Variants in SETX observed in about 807,000 individuals in gnomAD.
The protein encoded by SETX is helicase senataxin.
In SETX, 90 loss-of-function variants were observed where a neutral mutation model predicts 227.2. The observed-to-expected ratio is 0.40, with a 90% confidence interval of 0.33 to 0.47. SETX has a LOEUF of 0.47. SETX is among the 20% of genes least tolerant of loss of function. The pLI is 0.91. For missense variants in SETX, 3,052 were observed against 3,181.5 expected (o/e 0.96, Z 0.98); for synonymous variants, 1,210 against 1,113.2 (o/e 1.09, Z -1.73).
intron 22 of SETX, among the ~76,000 whole-genome samples, chr9:132,276,354 G>A (rs1843160814): frequency 6.6e-6 from 1 of 152,148 alleles, no homozygotes; most frequent in Non-Finnish European, 1.5e-5. Context: ...CTCTGTATGT[G>A]TAACCTCTTC....
intron 7 of SETX, among the ~76,000 whole-genome samples, chr9:132,331,774 A>C (rs1367022670): frequency 2.0e-5 from 3 of 152,174 alleles, no homozygotes; most frequent in African/African-American, 4.8e-5. Context: ...TACCAGAAAC[A>C]ACCTTTTCTA....
intron 18 of SETX, among the ~76,000 whole-genome samples, chr9:132,285,004 G>C (rs1019536317): frequency 6.6e-6 from 1 of 151,698 alleles, no homozygotes; most frequent in Non-Finnish European, 1.5e-5. Context: ...TCAGGCTCCC[G>C]AGTAGGTGGG....
At position 132,353,695 on chromosome 9, in the gene SETX, T is replaced by C. The variant is rs554093303; in HGVS notation, c.-54A>G. 1.3e-5 allele frequency: 2 copies of C among 152,328 alleles called. No individual in the cohort carries two copies. The highest frequency in any genetic ancestry group is 4.8e-5 in the African/African-American group (2 of 41,558). The allele number at this position is 152,328 out of a possible 1,614,324, so 9.4% of individuals were successfully genotyped here. A position where few individuals can be genotyped will look rare whatever the true frequency, so the allele number is the denominator to read the frequency against. ...AAGTGATCGTCTCAGCTGGGCTTAGTTGTGAACAAACACGGATTTGCATTC... is the reference window on the plus strand; with the variant it reads ...AAGTGATCGTCTCAGCTGGGCTTAGCTGTGAACAAACACGGATTTGCATTC... On this transcript the variant is annotated 5_prime_UTR_variant, in exon 2 of 26. Transcript: ENST00000224140.
intron 3 of SETX, among the ~76,000 whole-genome samples, chr9:132,348,746 T>C (rs1752557019): frequency 6.6e-6 from 1 of 150,984 alleles, no homozygotes; most frequent in Non-Finnish European, 1.5e-5. Context: ...GGCAAAATAA[T>C]AAGACCTCGT....
intron 11 of SETX, among the ~76,000 whole-genome samples, chr9:132,305,011 A>G (rs1845241168): frequency 2.6e-5 from 4 of 151,720 alleles, no homozygotes; most frequent in Admixed American, 2.0e-4. Flanking sequence ...AAAGAAAAAA[A>G]AGAATACTGA....
intron 5 of SETX, among the ~76,000 whole-genome samples, chr9:132,340,341 A>G (rs1364256024): frequency 6.6e-6 from 1 of 152,186 alleles, no homozygotes; most frequent in African/African-American, 2.4e-5. Flanking sequence ...ATAATTTTAA[A>G]TTTACTGGAC....
chr9:132,307,637 T>C (rs1244654733), intron 11 of SETX, among the ~76,000 whole-genome samples: 1 of 152,060 alleles, frequency 6.6e-6, no homozygotes, highest in Non-Finnish European at 1.5e-5. Context: ...CACTCATAGT[T>C]CTTTTTTAAG....
intron 10 of SETX, among the ~76,000 whole-genome samples, chr9:132,312,964 G>A (rs1191104766): frequency 6.6e-6 from 1 of 152,182 alleles, no homozygotes; most frequent in Non-Finnish European, 1.5e-5. Context: ...AAGATTACAT[G>A]GAGTGAAAGG....
At position 132,336,424 on chromosome 9, in the gene SETX, A is replaced by G. The variant is rs1847622037; in HGVS notation, c.590T>C (p.Phe197Ser). The change falls in exon 6 of 26, where the codon TTT (phenylalanine) becomes TCT (serine). Residue 197 changes from phenylalanine to serine, a missense_variant. Around this residue, in one of 10 missense-constraint regions of SETX, gnomAD observed 239 missense variants for 240.8 expected, o/e 0.99. Transcript: ENST00000224140. ...TAAAAGCCCCAACTCAATGACTTTA[A>G]AAAGGCAAAGTAAAACTTCTTGTAA... ...YDLQEVLLCL[F>S]KVIELGLLES... The G allele has an allele frequency of 6.2e-7, 1 of 1,614,106 alleles. No individual in the cohort carries two copies. Among genetic ancestry groups the G allele is most frequent in the Non-Finnish European group, 8.5e-7 (1 of 1,179,968 alleles).
intron 14 of SETX, among the ~76,000 whole-genome samples, chr9:132,296,666 C>T (rs997461583): frequency 5.9e-5 from 9 of 152,006 alleles, no homozygotes; most frequent in South Asian, 4.1e-4. Flanking sequence ...CTAGTCCTTA[C>T]GATTTGTTTC....
chr9:132,321,232 T>C (rs974915987), intron 10 of SETX, among the ~76,000 whole-genome samples: 6 of 151,912 alleles, frequency 3.9e-5, no homozygotes, highest in South Asian at 2.1e-4. Flanking sequence ...ACTAAAGACA[T>C]TGGGAGGCCG....
intron 12 of SETX, among the ~76,000 whole-genome samples, chr9:132,298,993 A>G (rs1356413995): frequency 6.6e-6 from 1 of 152,184 alleles, no homozygotes; most frequent in Admixed American, 6.6e-5. Flanking sequence ...AGAAAAGTAC[A>G]GAAACAAAAA....
In SETX at chr9:132,292,492, T is replaced by G. The variant is rs937935588; in HGVS notation, c.6106+3380A>C. 4.0e-5 allele frequency among the ~76,000 whole-genome samples: 6 copies of G among 150,670 alleles called. No homozygotes were observed. In the East Asian group the frequency reaches 7.7e-4, roughly 19 times the overall value. On this transcript the variant is annotated intron_variant, in intron 15 of 25. Transcript: ENST00000224140. Reference sequence around the variant, plus strand: ...TGACATTTAAACAGCAAATAGAAATTTACTTATTCTGTTAAAAAAAAGACA... The same window carrying G: ...TGACATTTAAACAGCAAATAGAAATGTACTTATTCTGTTAAAAAAAAGACA...
At chr9:132,290,574 CAAAAAAAAA>C (rs59954158) in intron 15 of SETX, among the ~76,000 whole-genome samples, 58 of 44,716 alleles carry the variant, frequency 1.3e-3, no homozygotes, top group African/African-American at 3.2e-3. Flanking sequence ...GACTCCGTCT[CAAAAAAAAA>C]AAAAAAAAAA....
chr9:132,329,145 G>T lies in SETX; in HGVS notation c.2453C>A (p.Ser818Tyr), dbSNP rs1270437836. The change falls in exon 10 of 26, where the codon TCT (serine) becomes TAT (tyrosine). Residue 818 changes from serine to tyrosine, a missense_variant. Physicochemically the swap from Ser to Tyr is moderately radical, Grantham distance 144 (BLOSUM62 -2). Transcript: ENST00000224140. ...TINLDENLTV[S>Y]NIESFYSRKD... Reference sequence around the variant, plus strand: ...CCTTGAATAGAAACTCTCAATGTTAGATACAGTCAAATTTTCATCTAAATT... The same window carrying T: ...CCTTGAATAGAAACTCTCAATGTTATATACAGTCAAATTTTCATCTAAATT... 1.9e-6 allele frequency: 3 copies of T among 1,611,226 alleles called. No individual in the cohort carries two copies. The highest frequency in any genetic ancestry group is 1.7e-6 in the Non-Finnish European group (2 of 1,179,650).
At chr9:132,276,147 C>T (rs971041440) in intron 22 of SETX, among the ~76,000 whole-genome samples, 6 of 152,304 alleles carry the variant, frequency 3.9e-5, no homozygotes, top group South Asian at 2.1e-4. Context: ...CCTTGCTTTA[C>T]GAGCCTTAAA....
chr9:132,335,207 G>A (rs1386315373), intron 6 of SETX, among the ~76,000 whole-genome samples: 7 of 151,588 alleles, frequency 4.6e-5, no homozygotes, highest in East Asian at 2.0e-4. Context: ...TGGCTAACAT[G>A]GTGAAACCCC....
At position 132,344,138 on chromosome 9, in the gene SETX, G is replaced by T. The variant is rs1053986794; in HGVS notation, c.389-1339C>A. 2.0e-5 allele frequency among the ~76,000 whole-genome samples: 3 copies of T among 152,114 alleles called. No individual in the cohort carries two copies. The East Asian group carries it at 5.8e-4, about 29-fold the overall frequency. On this transcript the variant is annotated intron_variant, in intron 4 of 25. Transcript: ENST00000224140. Reference sequence around the variant, plus strand: ...GCGGGTTTTGCAACCCATAAATATGGTATTTTTGATTCCACTTTGGTTGAA... The same window carrying T: ...GCGGGTTTTGCAACCCATAAATATGTTATTTTTGATTCCACTTTGGTTGAA...
intron 19 of SETX, chr9:132,282,884 T>C (rs1010936094): frequency 3.4e-5 from 11 of 322,220 alleles, no homozygotes; most frequent in South Asian, 2.7e-4. Flanking sequence ...ACCCAATAAA[T>C]GTTTGCTCAA....
Sources: gnomAD v4.1 joint callset for allele counts (sites outside exome capture counted in the v4.1 genomes callset) on GRCh38, gnomAD v4.1.1 for gene constraint, gnomAD v4.1.1 regional missense constraint, MANE v1.5 for transcripts, NCBI Gene and HGNC (gene_info 2026-07-23, HGNC 2026-07-21) for gene names.